CACNA1D: variants seen among roughly 807,000 people sequenced by gnomAD.
The protein encoded by CACNA1D is calcium voltage-gated channel subunit alpha1 D.
A neutral mutation model predicts 257.1 loss-of-function variants in CACNA1D; 55 were observed. That is an observed-to-expected ratio of 0.21 (90% CI 0.17 to 0.27). The LOEUF (loss-of-function observed/expected upper bound fraction) is 0.27. Ranked by LOEUF, CACNA1D falls within the 10% of genes least tolerant of loss-of-function variation. CACNA1D has a pLI of 1.00. For synonymous variants in CACNA1D, 980 were observed against 1,014.9 expected (o/e 0.97, Z 0.65); for missense variants, 1,876 against 2,784.0 (o/e 0.67, Z 7.34).
At chr3:53,622,964 A>G (rs2093714307) in intron 3 of CACNA1D, among the ~76,000 whole-genome samples, 3 of 150,812 alleles carry the variant, frequency 2.0e-5, no homozygotes, top group South Asian at 4.2e-4. Flanking sequence ...ATCTCCGCTC[A>G]CTGCAAGCTC....
At chr3:53,616,471 G>C (rs531543679) in intron 3 of CACNA1D, among the ~76,000 whole-genome samples, 3 of 152,182 alleles carry the variant, frequency 2.0e-5, no homozygotes, top group Non-Finnish European at 2.9e-5. Flanking sequence ...CGCACATTCT[G>C]TCTCTCTGCC....
At chr3:53,575,950 A>G (rs1179953469) in intron 3 of CACNA1D, among the ~76,000 whole-genome samples, 1 of 152,196 alleles carries the variant, frequency 6.6e-6, no homozygotes, top group Admixed American at 6.5e-5. Context: ...TGTTCTTAAA[A>G]TTAAGCTTAT....
chr3:53,661,299 TG>T (rs1383501221), intron 5 of CACNA1D, among the ~76,000 whole-genome samples: 2 of 152,028 alleles, frequency 1.3e-5, no homozygotes, highest in African/African-American at 2.4e-5. Context: ...TTATTAAATT[TG>T]TTGGCACTTA....
intron 3 of CACNA1D, among the ~76,000 whole-genome samples, chr3:53,540,037 C>G (rs1330414389): frequency 1.3e-5 from 2 of 149,046 alleles, no homozygotes; most frequent in African/African-American, 4.9e-5. Flanking sequence ...TCCACTCTGG[C>G]TTATCTTCAC....
chr3:53,751,723 G>A lies in CACNA1D; in HGVS notation c.3517-26G>A, dbSNP rs200203416. 742 of 1,614,040 alleles carry A rather than the reference G, an allele frequency of 4.6e-4. 3 individuals carry two copies. The African/African-American group carries it at 5.9e-3, about 13-fold the overall frequency. On this transcript the variant is annotated intron_variant, in intron 27 of 47. Coordinates refer to ENST00000350061, the MANE Select transcript of CACNA1D (RefSeq NM_001128840.3). The surrounding 1 kb of genome is among the most constrained non-coding windows in gnomAD (Gnocchi z 4.3). ...CTTCCCTGCAAGTGCTCAGAACCCC[G>A]TTTCTGCCCTTTTCTGCTGTTGCAG...
intron 3 of CACNA1D, among the ~76,000 whole-genome samples, chr3:53,519,257 G>A (rs1348494600): frequency 6.6e-6 from 1 of 152,232 alleles, no homozygotes; most frequent in Non-Finnish European, 1.5e-5. Context: ...GAAGTAGACA[G>A]AATTGCTTCA....
intron 39 of CACNA1D, 66 bp from the exon 40 acceptor site, chr3:53,786,756 G>A (rs2095455527): frequency 3.1e-5 from 26 of 828,412 alleles, no homozygotes; most frequent in Non-Finnish European, 4.7e-5. Context: ...CCAGCCAGAA[G>A]CAAGTGTTTA....
At chr3:53,772,779 G>T in intron 32 of CACNA1D, 54 bp from the exon 33 acceptor site, 1 of 1,374,172 alleles carries the variant, frequency 7.3e-7, no homozygotes. Context: ...GGCTGTGGCG[G>T]GCCGTCACGG....
intron 4 of CACNA1D, among the ~76,000 whole-genome samples, chr3:53,655,385 A>G (rs1231908040): frequency 6.6e-6 from 1 of 152,218 alleles, no homozygotes; most frequent in Non-Finnish European, 1.5e-5. Flanking sequence ...TCTTTGAGGA[A>G]TTGATACACT....
chr3:53,563,251 C>T (rs1035950880), intron 3 of CACNA1D, among the ~76,000 whole-genome samples: 9 of 152,102 alleles, frequency 5.9e-5, no homozygotes, highest in Admixed American at 2.6e-4. Flanking sequence ...AGGCCAGGCA[C>T]GGTGGCTCAC....
chr3:53,771,801 G>A (rs971067575), intron 32 of CACNA1D, among the ~76,000 whole-genome samples: 16 of 152,206 alleles, frequency 1.1e-4, no homozygotes, highest in African/African-American at 3.4e-4. Flanking sequence ...AACAAAAATC[G>A]TAAACATTTG....
At chr3:53,639,382 C>T (rs1345960367) in intron 3 of CACNA1D, among the ~76,000 whole-genome samples, 15 of 151,728 alleles carry the variant, frequency 9.9e-5, no homozygotes, top group Admixed American at 9.9e-4. Flanking sequence ...AGATTTCTCT[C>T]TCTCTCTCTT....
intron 9 of CACNA1D, 146 bp downstream of exon 9, chr3:53,702,956 C>A: frequency 1.2e-6 from 1 of 846,740 alleles, no homozygotes; most frequent in Middle Eastern, 3.3e-4. Flanking sequence ...GCACACATCA[C>A]GGAGAGAACA....
At chr3:53,505,284 T>C (rs1371325751) in intron 3 of CACNA1D, among the ~76,000 whole-genome samples, 1 of 152,048 alleles carries the variant, frequency 6.6e-6, no homozygotes, top group Admixed American at 6.5e-5. Context: ...AATATTTTTG[T>C]ATTTTTAGTA....
chr3:53,740,613 T>G (rs2095107892), intron 21 of CACNA1D: 1 of 420,972 alleles, frequency 2.4e-6, no homozygotes, highest in Non-Finnish European at 4.3e-6. Context: ...TTTTTTTTGT[T>G]TTTTAAACCG....
intron 27 of CACNA1D, among the ~76,000 whole-genome samples, chr3:53,750,156 C>T (rs569379162): frequency 6.6e-6 from 1 of 152,330 alleles, no homozygotes; most frequent in East Asian, 1.9e-4. Context: ...GTGTTTTAGC[C>T]AGTCTGGTAG....
At chr3:53,794,793 T>C (rs1396418060) in intron 40 of CACNA1D, among the ~76,000 whole-genome samples, 1 of 151,922 alleles carries the variant, frequency 6.6e-6, no homozygotes, top group Non-Finnish European at 1.5e-5. Context: ...AGGATGAGAG[T>C]GTTGAAGGCA....
chr3:53,589,381 C>T (rs531637352), intron 3 of CACNA1D, among the ~76,000 whole-genome samples: 46 of 152,184 alleles, frequency 3.0e-4, no homozygotes, highest in African/African-American at 9.9e-4. Flanking sequence ...TCAGCCGTCC[C>T]GAGTGTGTGG....
Position 53,810,778 on chromosome 3 carries a change from AAAAAAAAAC to A in CACNA1D, c.6193-329_6193-321del, listed in dbSNP as rs1176527373. Among the ~76,000 whole-genome samples the A allele has an allele frequency of 1.5e-4, 22 of 148,486 alleles. No individual in the cohort carries two copies. The South Asian group carries it at 1.9e-3, about 13-fold the overall frequency. On this transcript the variant is annotated intron_variant, in intron 47 of 47. Transcript: ENST00000350061. Reference sequence around the variant, plus strand: ...TGTCTCAAAAAAAAAAAAAAAAAAAAAAAAAAAACAAAAACTGGTCACCACCGTCAATTC... The same window carrying A: ...TGTCTCAAAAAAAAAAAAAAAAAAAAAAAAACTGGTCACCACCGTCAATTC...
Sources: gnomAD v4.1 joint callset for allele counts (sites outside exome capture counted in the v4.1 genomes callset) on GRCh38, gnomAD v4.1.1 for gene constraint, Gnocchi (gnomAD v3.1) non-coding constraint, MANE v1.5 for transcripts, NCBI Gene and HGNC (gene_info 2026-07-23, HGNC 2026-07-21) for gene names.